FRMD4B: variants seen among roughly 807,000 people sequenced by gnomAD.
FRMD4B encodes the protein FERM domain containing 4B, also known as FERM domain-containing protein 4B.
A neutral mutation model predicts 141.5 loss-of-function variants in FRMD4B; 74 were observed. The observed-to-expected ratio is 0.52, with a 90% CI of 0.43 to 0.63. The LOEUF (loss-of-function observed/expected upper bound fraction) is 0.63. FRMD4B is among the 30% of genes least tolerant of loss of function. FRMD4B has a pLI of 0.00. For missense variants in FRMD4B, 1,366 were observed against 1,253.4 expected, an observed-to-expected ratio of 1.09 and a Z score of -1.36; for synonymous variants, 506 against 467.9, an observed-to-expected ratio of 1.08 and a Z score of -1.05.
intron 7 of FRMD4B, among the ~76,000 whole-genome samples, chr3:69,229,979 CTTT>C (rs553802460): frequency 7.0e-6 from 1 of 142,946 alleles, no homozygotes; most frequent in African/African-American, 2.6e-5. Context: ...GACTATCAAA[CTTT>C]TTTTTTTTTT....
At chr3:69,409,669 T>C (rs1575791833) in intron 2 of FRMD4B, among the ~76,000 whole-genome samples, 1 of 152,190 alleles carries the variant, frequency 6.6e-6, no homozygotes, top group African/African-American at 2.4e-5. Context: ...TGAGGGGACC[T>C]GGGACAGAAG....
At chr3:69,248,675 A>G (rs1438701023) in intron 7 of FRMD4B, among the ~76,000 whole-genome samples, 1 of 152,224 alleles carries the variant, frequency 6.6e-6, no homozygotes, top group African/African-American at 2.4e-5. Flanking sequence ...TGGAGCAGGT[A>G]GAGGGTGAAT....
intron 8 of FRMD4B, 85 bp downstream of exon 8, chr3:69,224,522 T>C (rs2093231146): frequency 1.4e-6 from 1 of 720,506 alleles, no homozygotes. Flanking sequence ...TTTTCCCACT[T>C]ATATTTCTTT....
At chr3:69,427,738 A>C (rs1168294030) in intron 2 of FRMD4B, among the ~76,000 whole-genome samples, 1 of 141,942 alleles carries the variant, frequency 7.0e-6, no homozygotes, top group Non-Finnish European at 1.5e-5. Context: ...TCACTGCAAA[A>C]TCCAACTCCC....
At chr3:69,375,225 C>G (rs138192857) in intron 1 of FRMD4B, among the ~76,000 whole-genome samples, 1 of 117,494 alleles carries the variant, frequency 8.5e-6, no homozygotes, top group Admixed American at 8.5e-5. Flanking sequence ...CCCATCCCAT[C>G]CATCCATCCA....
intron 3 of FRMD4B, 45 bp from the exon 4 acceptor site, chr3:69,302,480 A>G (rs1701249785): frequency 8.5e-7 from 1 of 1,169,718 alleles, no homozygotes; most frequent in South Asian, 1.3e-5. Flanking sequence ...GAAAGTCAGA[A>G]AAGTTCAACA....
intron 1 of FRMD4B, among the ~76,000 whole-genome samples, chr3:69,496,468 T>G (rs2107043510): frequency 6.6e-6 from 1 of 152,256 alleles, no homozygotes; most frequent in South Asian, 2.1e-4. Flanking sequence ...TCTTGGGACT[T>G]GTGCAGAATC....
At chr3:69,308,191 C>G (rs987959582) in intron 3 of FRMD4B, among the ~76,000 whole-genome samples, 4 of 152,110 alleles carry the variant, frequency 2.6e-5, no homozygotes, top group Admixed American at 2.6e-4. Context: ...CTCTGCCTAC[C>G]TTACCTGATT....
At position 69,427,643 on chromosome 3, in the gene FRMD4B, GTTTTTTTT is replaced by G. The variant is rs774316609; in HGVS notation, c.-1+4983_-1+4990del. Among the ~76,000 whole-genome samples the G allele has an allele frequency of 2.2e-3, 79 of 36,244 alleles. No individual in the cohort carries two copies. The South Asian group carries it at 0.026, about 12-fold the overall frequency. 23.8% of individuals were successfully genotyped at this position (36,244 alleles called of 152,430 possible). ...GTGTTTAGTAAGAAGCTAGGTAAAT[GTTTTTTTT>G]TTTTTTTTTTTTTTTTTTTTTTGAG... On this transcript the variant is annotated intron_variant, in intron 2 of 5. Transcript: ENST00000459638.
chr3:69,469,831 T>C (rs932378601), intron 1 of FRMD4B, among the ~76,000 whole-genome samples: 5 of 152,198 alleles, frequency 3.3e-5, no homozygotes, highest in African/African-American at 1.2e-4. Context: ...GGCAGCAGGT[T>C]TTAAATGATG....
chr3:69,380,071 G>A (rs144930109), intron 1 of FRMD4B, among the ~76,000 whole-genome samples: 170 of 152,326 alleles, frequency 1.1e-3, no homozygotes, highest in African/African-American at 3.4e-3. Context: ...CCACCAATGT[G>A]GTGAGATCCA....
intron 2 of FRMD4B, among the ~76,000 whole-genome samples, chr3:69,416,373 T>C (rs1232372680): frequency 6.6e-6 from 1 of 152,224 alleles, no homozygotes; most frequent in Non-Finnish European, 1.5e-5. Context: ...CTTGAATTTC[T>C]GGACTCAAGT....
At chr3:69,470,169 G>T (rs1036698165) in intron 1 of FRMD4B, among the ~76,000 whole-genome samples, 1 of 152,140 alleles carries the variant, frequency 6.6e-6, no homozygotes, top group African/African-American at 2.4e-5. Context: ...AGCCAAAGAG[G>T]TTTCTTGCAA....
chr3:69,195,382 G>A lies in FRMD4B; in HGVS notation c.1235-18C>T. 1 of 1,594,846 alleles carries A rather than the reference G, an allele frequency of 6.3e-7. No individual in the cohort carries two copies. Among genetic ancestry groups the A allele is most frequent in the South Asian group, 1.1e-5 (1 of 87,156 alleles). On this transcript the variant is annotated intron_variant, in intron 14 of 22. Transcript: ENST00000398540. ...TTGAGAACCTAGGGGATGAGGGAAG[G>A]GCAGGGAAGGTTTATACAAGGGATG...
At chr3:69,187,474 C>A (rs1034443054) in intron 19 of FRMD4B, among the ~76,000 whole-genome samples, 1 of 149,646 alleles carries the variant, frequency 6.7e-6, no homozygotes, top group Non-Finnish European at 1.5e-5. Context: ...AGGAGGCGGA[C>A]GTTGCGGTGA....
intron 10 of FRMD4B, among the ~76,000 whole-genome samples, chr3:69,217,374 A>C (rs536028052): frequency 9.2e-5 from 14 of 152,124 alleles, no homozygotes; most frequent in Non-Finnish European, 1.5e-4. Context: ...TAATCCCAGC[A>C]CTTTGGGAGC....
At chr3:69,523,000 C>A (rs1364876898) in intron 1 of FRMD4B, among the ~76,000 whole-genome samples, 2 of 151,992 alleles carry the variant, frequency 1.3e-5, no homozygotes, top group African/African-American at 4.8e-5. Context: ...AAAGATTCCT[C>A]CTCTGAGGGA....
intron 4 of FRMD4B, among the ~76,000 whole-genome samples, chr3:69,298,637 C>A (rs377501121): frequency 2.0e-5 from 3 of 152,348 alleles, no homozygotes; most frequent in Admixed American, 6.5e-5. Flanking sequence ...CTCTTGCCAA[C>A]CTTTCTGTGC....
intron 5 of FRMD4B, among the ~76,000 whole-genome samples, chr3:69,258,150 G>A (rs2093503974): frequency 6.6e-6 from 1 of 152,020 alleles, no homozygotes; most frequent in South Asian, 2.1e-4. Flanking sequence ...ATTTTTTATA[G>A]AGACAGGGTT....
Sources: gnomAD v4.1 joint callset for allele counts (sites outside exome capture counted in the v4.1 genomes callset) on GRCh38, gnomAD v4.1.1 for gene constraint, MANE v1.5 for transcripts, NCBI Gene and HGNC (gene_info 2026-07-23, HGNC 2026-07-21) for gene names.